Variants in RIMBP2 observed in about 807,000 individuals in gnomAD.
The protein encoded by RIMBP2 is RIMS-binding protein 2.
RIMBP2 carries 48 observed loss-of-function variants against 118.6 expected under a neutral mutation model. That is an observed-to-expected ratio of 0.40 (90% CI 0.32 to 0.51). RIMBP2 has a LOEUF of 0.51. Ranked by LOEUF, RIMBP2 falls within the 20% of genes least tolerant of loss-of-function variation. The pLI is 0.41. For missense variants in RIMBP2, 1,551 were observed against 1,768.3 expected (o/e 0.88, Z 2.20); for synonymous variants, 762 against 742.9 (o/e 1.03, Z -0.42).
At chr12:130,572,136 G>T (rs2057720806) in intron 2 of RIMBP2, among the ~76,000 whole-genome samples, 1 of 111,426 alleles carries the variant, frequency 9.0e-6, no homozygotes, top group Non-Finnish European at 2.2e-5. Context: ...AAACAGCATG[G>T]CCAGGAGTTA....
Position 130,440,531 on chromosome 12 carries a change from C to A in RIMBP2, c.1504+1317G>T, listed in dbSNP as rs569868252. On this transcript the variant is annotated intron_variant, in intron 11 of 22. Coordinates refer to ENST00000690449, the MANE Select transcript of RIMBP2 (RefSeq NM_001393629.1). ...TCAAAGTTAGTGTCCAGGGGAGCCTCTCCTGAAGGCCCCGAGAGAGGTGCC... is the reference window on the plus strand; with the variant it reads ...TCAAAGTTAGTGTCCAGGGGAGCCTATCCTGAAGGCCCCGAGAGAGGTGCC... Among the ~76,000 whole-genome samples, 4 of 152,304 alleles carry A rather than the reference C, an allele frequency of 2.6e-5. No homozygotes were observed. In the South Asian group the frequency reaches 8.3e-4, roughly 32 times the overall value.
intron 9 of RIMBP2, among the ~76,000 whole-genome samples, chr12:130,448,790 C>T (rs1409823025): frequency 1.3e-5 from 2 of 152,234 alleles, no homozygotes; most frequent in Admixed American, 6.5e-5. Context: ...CTAATGGGAG[C>T]CCACAGCCCA....
At chr12:130,400,976 GTGAGA>G (rs964285058) in intron 21 of RIMBP2, among the ~76,000 whole-genome samples, 13 of 152,222 alleles carry the variant, frequency 8.5e-5, no homozygotes, top group African/African-American at 3.1e-4. Flanking sequence ...TGGTGGGAAG[GTGAGA>G]TGGTGCAGCT....
Position 130,434,538 on chromosome 12 carries a change from C to T in RIMBP2, c.2253+196G>A, listed in dbSNP as rs1401428650. 6.6e-6 allele frequency among the ~76,000 whole-genome samples: 1 copy of T among 152,174 alleles called. No individual in the cohort carries two copies. The highest frequency in any genetic ancestry group is 1.5e-5 in the Non-Finnish European group (1 of 68,042). ...CTGCACTTCGACTTTTTCAATTATC[C>T]CCAATGAGGGTATGTGACAGGCATT... On this transcript the variant is annotated intron_variant, in intron 14 of 22. Transcript: ENST00000690449. The surrounding 1 kb of genome is among the most constrained non-coding windows in gnomAD (Gnocchi z 5.7).
intron 2 of RIMBP2, among the ~76,000 whole-genome samples, chr12:130,604,471 CCACTCACTCACTCACTCACTCACT>C (rs140093680): frequency 0.011 from 1,412 of 134,000 alleles, 32 homozygotes; most frequent in African/African-American, 0.037. Flanking sequence ...CATTCACTCT[CCACTCACTCACTCACTCACTCACT>C]CACTCACTCA....
chr12:130,564,273 C>T (rs1438643837), intron 2 of RIMBP2, among the ~76,000 whole-genome samples: 1 of 152,190 alleles, frequency 6.6e-6, no homozygotes. Context: ...CCACCTTTTA[C>T]AACTTCTCAG....
intron 1 of RIMBP2, among the ~76,000 whole-genome samples, chr12:130,664,397 A>ACACGCACG (rs1566438834): frequency 1.0e-5 from 1 of 98,710 alleles, no homozygotes; most frequent in Non-Finnish European, 2.4e-5. Context: ...ATGCACACAC[A>ACACGCACG]CGCACGCACG....
At chr12:130,611,336 C>T (rs1305847191) in intron 2 of RIMBP2, among the ~76,000 whole-genome samples, 3 of 152,354 alleles carry the variant, frequency 2.0e-5, no homozygotes, top group African/African-American at 4.8e-5. Flanking sequence ...TGATGATTGA[C>T]GTCCCTCCCG....
At chr12:130,604,829 A>G (rs11061019) in intron 2 of RIMBP2, among the ~76,000 whole-genome samples, 96,353 of 139,518 alleles carry the variant, frequency 0.69, 33,140 homozygotes, top group South Asian at 0.81. Context: ...TGACCCGCCC[A>G]CCTCGGCCTC....
At position 130,623,785 on chromosome 12, in the gene RIMBP2, G is replaced by A. The variant is rs564375902; in HGVS notation, c.-217+4537C>T. 5.9e-5 allele frequency among the ~76,000 whole-genome samples: 9 copies of A among 152,290 alleles called. No individual in the cohort carries two copies. The highest frequency in any genetic ancestry group is 3.9e-4 in the Admixed American group (6 of 15,300). On this transcript the variant is annotated intron_variant, in intron 2 of 22. Coordinates refer to ENST00000690449, the MANE Select transcript of RIMBP2 (RefSeq NM_001393629.1). The surrounding 1 kb of genome is among the most constrained non-coding windows in gnomAD (Gnocchi z 4.1). ...TCCATGCACCTGCAAGACCGCCTCA[G>A]CCAAGTGAAGAGTGCTGGTGGATAA...
chr12:130,541,564 T>C (rs1298606470), intron 2 of RIMBP2, among the ~76,000 whole-genome samples: 1 of 152,248 alleles, frequency 6.6e-6, no homozygotes, highest in Non-Finnish European at 1.5e-5. Context: ...TGAATATAGA[T>C]GTTTACTCAT....
intron 21 of RIMBP2, among the ~76,000 whole-genome samples, chr12:130,402,777 C>T (rs566149330): frequency 3.5e-4 from 53 of 152,336 alleles, no homozygotes; most frequent in African/African-American, 1.1e-3. Context: ...GACATCCACT[C>T]GTGTTTGCAC....
intron 1 of RIMBP2, among the ~76,000 whole-genome samples, chr12:130,679,406 C>T (rs1487183073): frequency 6.6e-6 from 1 of 152,246 alleles, no homozygotes; most frequent in Non-Finnish European, 1.5e-5. Context: ...GAAACAACCT[C>T]TTTTCTCTTG....
rs944736961 is a variant in RIMBP2, at chr12:130,688,961, C to T, written c.-352+27261G>A. ...AGGCAGCAGAGAACTGCCCAGTGTG[C>T]GCCGATATCCTCTGTCCCTTTTCAT... On this transcript the variant is annotated intron_variant, in intron 1 of 22. Transcript: ENST00000690449. The surrounding 1 kb of genome is among the most constrained non-coding windows in gnomAD (Gnocchi z 4.7). Among the ~76,000 whole-genome samples the T allele has an allele frequency of 1.3e-5, 2 of 152,352 alleles. No homozygotes were observed. Among genetic ancestry groups the T allele is most frequent in the Non-Finnish European group, 2.9e-5 (2 of 68,036 alleles).
chr12:130,416,660 C>A (rs2076116929), intron 17 of RIMBP2, among the ~76,000 whole-genome samples: 1 of 152,188 alleles, frequency 6.6e-6, no homozygotes, highest in African/African-American at 2.4e-5. Context: ...GGACATCAGC[C>A]TTGGCAAAGA....
At chr12:130,426,375 G>A (rs1205469411) in intron 15 of RIMBP2, 1 of 151,966 alleles carries the variant, frequency 6.6e-6, no homozygotes, top group African/African-American at 2.4e-5. Context: ...TGCCTCCCAG[G>A]TTCAAGTGAT....
intron 2 of RIMBP2, among the ~76,000 whole-genome samples, chr12:130,534,165 T>TA (rs35683242): frequency 0.26 from 24,710 of 94,902 alleles, 4,251 homozygotes; most frequent in Non-Finnish European, 0.34. Context: ...AACTCCATCT[T>TA]AAAAAAAAAA....
At chr12:130,644,467 G>A (rs893688002) in intron 1 of RIMBP2, among the ~76,000 whole-genome samples, 2 of 152,204 alleles carry the variant, frequency 1.3e-5, no homozygotes, top group Non-Finnish European at 2.9e-5. Context: ...TCATTATCCA[G>A]TCTGGGAAGA....
At chr12:130,658,940 C>T (rs1440080687) in intron 1 of RIMBP2, 1 of 151,658 alleles carries the variant, frequency 6.6e-6, no homozygotes, top group Non-Finnish European at 1.5e-5. Flanking sequence ...CTCAATCTCC[C>T]TTCCTCCACC....
Sources: gnomAD v4.1 joint callset for allele counts (sites outside exome capture counted in the v4.1 genomes callset) on GRCh38, gnomAD v4.1.1 for gene constraint, Gnocchi (gnomAD v3.1) non-coding constraint, MANE v1.5 for transcripts, NCBI Gene and HGNC (gene_info 2026-07-23, HGNC 2026-07-21) for gene names.